The following ROBO4 variants were observed in gnomAD, a reference collection of about 807,000 sequenced individuals.
ROBO4 encodes roundabout guidance receptor 4.
Under a neutral mutation model 103.3 loss-of-function variants are expected in ROBO4, and 80 were observed. The observed-to-expected ratio is 0.77, with a 90% CI of 0.65 to 0.93. ROBO4 has a LOEUF of 0.93. Among genes scored for constraint, ROBO4 ranks in the 40% least tolerant of loss-of-function variants. The pLI is 0.00. For synonymous variants in ROBO4, 504 were observed against 529.7 expected (o/e 0.95, Z 0.67); for missense variants, 1,333 against 1,305.3 (o/e 1.02, Z -0.33).
intron 2 of ROBO4, 117 bp downstream of exon 2, chr11:124,896,815 A>G (rs1946901186): frequency 6.6e-7 from 1 of 1,515,958 alleles, no homozygotes; most frequent in East Asian, 2.4e-5. Context: ...CAAGCCTTCC[A>G]GCCCAGGCCT....
chr11:124,885,355 C>A, intron 16 of ROBO4, 108 bp from the exon 17 acceptor site: 3 of 849,494 alleles, frequency 3.5e-6, no homozygotes, highest in Non-Finnish European at 5.5e-6. Flanking sequence ...CAGCCCTAAA[C>A]ATAACCTAAC....
chr11:124,896,901 C>T (rs973768196), intron 2 of ROBO4, 31 bp downstream of exon 2: 1 of 1,597,884 alleles, frequency 6.3e-7, no homozygotes, highest in Non-Finnish European at 8.5e-7. Context: ...CCAGGTTTGC[C>T]CCACCCTGAA....
At chr11:124,894,990 T>C (rs1946859869) in intron 7 of ROBO4, 91 bp downstream of exon 7, 1 of 998,802 alleles carries the variant, frequency 1.0e-6, no homozygotes, top group African/African-American at 1.6e-5. Flanking sequence ...CAGGTACCTT[T>C]CTCAGTGCCC....
rs372044429 is a variant in ROBO4 at position 124,887,222 on chromosome 11, C to T, written c.2199-9G>A. 44 of 1,586,292 alleles carry T rather than the reference C, an allele frequency of 2.8e-5. No homozygotes were observed. The highest frequency in any genetic ancestry group is 1.7e-4 in the Middle Eastern group (1 of 5,908). ...GTGGTGCCACCGGAGGCCTGATTTGCGGGAGAGAGTGATGGCACCGTAGTT... is the reference window on the plus strand; with the variant it reads ...GTGGTGCCACCGGAGGCCTGATTTGTGGGAGAGAGTGATGGCACCGTAGTT... On this transcript the variant is annotated splice_polypyrimidine_tract_variant and intron_variant, in intron 14 of 17. Coordinates refer to ENST00000306534, the MANE Select transcript of ROBO4 (RefSeq NM_019055.6).
In ROBO4 at chr11:124,887,797, G is replaced by A. The variant is rs780504528; in HGVS notation, c.1992C>T (p.His664=). ...ANSSPLLRGS[H]SLELRACELG... Reference sequence around the variant, plus strand: ...ACTCACAGGCCCGGAGCTCCAAGGAGTGGCTGCCCCGGAGCAGTGGGGAAC... The same window carrying A: ...ACTCACAGGCCCGGAGCTCCAAGGAATGGCTGCCCCGGAGCAGTGGGGAAC... Residue 664 remains histidine (H), a synonymous_variant, in exon 13 of 18, where the codon CAC becomes CAT. Coordinates refer to ENST00000306534, the MANE Select transcript of ROBO4 (RefSeq NM_019055.6). The A allele has an allele frequency of 1.9e-6, 3 of 1,613,932 alleles. No homozygotes were observed. The highest frequency in any genetic ancestry group is 2.7e-5 in the African/African-American group (2 of 74,918).
intron 1 of ROBO4, 119 bp from the exon 2 acceptor site, chr11:124,897,380 A>G: frequency 1.2e-6 from 1 of 800,796 alleles, no homozygotes; most frequent in East Asian, 2.8e-5. Context: ...AATCTGAACT[A>G]CTAAAGGTTG....
At chr11:124,896,156 G>A in intron 4 of ROBO4, 42 bp downstream of exon 4, 1 of 1,606,740 alleles carries the variant, frequency 6.2e-7, no homozygotes, top group Non-Finnish European at 8.5e-7. Context: ...CCCAACTGGA[G>A]CCTGCAGCCT....
In ROBO4 at chr11:124,893,017, C is replaced by A. The variant is rs117471329; in HGVS notation, c.1547+671G>T. 8.1e-3 allele frequency: 1,254 copies of A among 154,114 alleles called. 10 individuals carry two copies. The highest frequency in any genetic ancestry group is 0.027 in the Middle Eastern group (8 of 296). The allele number at this position is 154,114 out of a possible 1,614,324, so 9.5% of individuals were successfully genotyped here. ...AGTAACTTCTGTGGATAGATGCAGA[C>A]CTGGAGTGGGAAGCCTCCCAGAGGA... On this transcript the variant is annotated intron_variant, in intron 10 of 17. Transcript: ENST00000306534.
rs753615619 is a variant in ROBO4, at chr11:124,885,162, C to T, written c.2880G>A (p.Trp960Ter). The change falls in exon 17 of 18, where the codon TGG becomes TGA. Residue 960 changes from tryptophan to a stop codon, truncating the protein, a stop_gained. Coordinates refer to ENST00000306534, the MANE Select transcript of ROBO4 (RefSeq NM_019055.6). LOFTEE classifies it high-confidence loss of function. ...TGTGGCTGACCTCCATGTCTTCCAA[C>T]CAGTCTGGCCTCCACTCCCACAGGG... is the stretch of plus-strand genomic sequence containing the variant. ...SLPLWEWRPD[W>*]LEDMEVSHTQ... is the part of the protein sequence containing the mutation. 2 of 1,614,030 alleles carry T rather than the reference C, an allele frequency of 1.2e-6. No homozygotes were observed. The highest frequency in any genetic ancestry group is 4.5e-5 in the East Asian group (2 of 44,886).
At chr11:124,892,209 AG>A in intron 10 of ROBO4, 1 of 376,522 alleles carries the variant, frequency 2.7e-6, no homozygotes, top group East Asian at 7.1e-5. Context: ...TGATGGCAAT[AG>A]GGCCTTCCAC....
rs1591535065 is a variant in ROBO4, at chr11:124,893,731, C to G, written c.1505-1G>C. The G allele has an allele frequency of 6.2e-7, 1 of 1,613,970 alleles. No individual in the cohort carries two copies. The highest frequency in any genetic ancestry group is 8.5e-7 in the Non-Finnish European group (1 of 1,179,982). On this transcript the variant is annotated splice_acceptor_variant, in intron 9 of 17. Transcript: ENST00000306534. LOFTEE classifies it high-confidence loss of function. ...TCCTCACTGGTATATCTGTACAGAC[C>G]TGGGAGAAGGCAGGAGGAAAGCTAA...
Position 124,894,275 on chromosome 11 carries a change from G to C in ROBO4, c.1244C>G (p.Ser415Cys), listed in dbSNP as rs1271729523. The C allele has an allele frequency of 6.2e-7, 1 of 1,614,098 alleles. No individual in the cohort carries two copies. Among genetic ancestry groups the C allele is most frequent in the South Asian group, 1.1e-5 (1 of 91,080 alleles). The part of the protein sequence containing the change: ...QLEIATHMPG[S>C]YCVQVAAVTG... Reference sequence around the variant, plus strand: ...GACTGCAGCCACTTGCACGCAGTAGGAGCCTGGCATATGGGTGGCGATTTC... The same window carrying C: ...GACTGCAGCCACTTGCACGCAGTAGCAGCCTGGCATATGGGTGGCGATTTC... Residue 415 changes from serine (S) to cysteine (C), a missense_variant, in exon 8 of 18, where the codon TCC becomes TGC. Ser to Cys is a moderately radical substitution (Grantham distance 112). Transcript: ENST00000306534.
At chr11:124,891,849 G>C in intron 10 of ROBO4, 47 bp from the exon 11 acceptor site, 1 of 1,608,188 alleles carries the variant, frequency 6.2e-7, no homozygotes, top group Non-Finnish European at 8.5e-7. Context: ...ACAGGGAGAA[G>C]TGAGAACCTT....
chr11:124,884,043 T>C lies in ROBO4; in HGVS notation c.*848A>G, dbSNP rs940576069. ...AAACTCCCCACCCCTGCCCTTCCTA[T>C]ATTCTGCTTAAAATTTGGTGGATGA... is the stretch of plus-strand genomic sequence containing the variant. On this transcript the variant is annotated 3_prime_UTR_variant, in exon 18 of 18. Transcript: ENST00000306534. The C allele has an allele frequency of 1.3e-5, 2 of 152,292 alleles. No individual in the cohort carries two copies. The highest frequency in any genetic ancestry group is 1.9e-4 in the East Asian group (1 of 5,186). The allele number at this position is 152,292 out of a possible 1,614,324, so 9.4% of individuals were successfully genotyped here. A position where few individuals can be genotyped will look rare whatever the true frequency, so the allele number is the denominator to read the frequency against.
Position 124,886,833 on chromosome 11 carries a change from G to A in ROBO4, c.2436-11C>T, listed in dbSNP as rs778684750. 1 of 1,528,608 alleles carries A rather than the reference G, an allele frequency of 6.5e-7. No individual in the cohort carries two copies. 94.7% of individuals were successfully genotyped at this position (1,528,608 alleles called of 1,614,324 possible). A position where few individuals can be genotyped will look rare whatever the true frequency, so the allele number is the denominator to read the frequency against. ...GGAGAGACGCTGTTCCTAGGGAGAG[G>A]CAAAAGGGGAGACAGCAATGGTTTG... On this transcript the variant is annotated splice_polypyrimidine_tract_variant and intron_variant, in intron 15 of 17. Coordinates refer to ENST00000306534, the MANE Select transcript of ROBO4 (RefSeq NM_019055.6).
At chr11:124,886,383 T>G in intron 16 of ROBO4, 81 bp downstream of exon 16, 2 of 1,111,070 alleles carry the variant, frequency 1.8e-6, no homozygotes, top group Non-Finnish European at 2.6e-6. Context: ...AAACTAGTTG[T>G]TTTAACAATG....
At chr11:124,896,076 A>G in intron 4 of ROBO4, 122 bp downstream of exon 4, 1 of 1,520,386 alleles carries the variant, frequency 6.6e-7, no homozygotes, top group Admixed American at 1.8e-5. Context: ...ACCTCCCGCT[A>G]CGTGAGACCC....
At position 124,896,316 on chromosome 11, in the gene ROBO4, C is replaced by T. The variant is rs756847840; in HGVS notation, c.561G>A (p.Val187=). 1.8e-5 allele frequency: 29 copies of T among 1,613,944 alleles called. No homozygotes were observed. The highest frequency in any genetic ancestry group is 2.4e-5 in the Non-Finnish European group (28 of 1,179,940). ...PLALQPGRHT[V]SGGSLLMARA... The stretch of plus-strand genomic sequence containing the variant: ...TTGCCATCAGCAGGGACCCCCCGGA[C>T]ACCTGTCAGGGCCAGGTTCACTGTG... Residue 187 remains valine (V), a splice_region_variant and synonymous_variant, in exon 4 of 18, where the codon GTG becomes GTA. Transcript: ENST00000306534.
At chr11:124,892,336 A>T (rs756368115) in intron 10 of ROBO4, 16 of 315,872 alleles carry the variant, frequency 5.1e-5, no homozygotes, top group Non-Finnish European at 1.2e-5. Context: ...CTTCAAGAAC[A>T]GGGATCTGAG....
Sources: gnomAD v4.1 joint callset for allele counts on GRCh38, gnomAD v4.1.1 for gene constraint, MANE v1.5 for transcripts, NCBI Gene and HGNC (gene_info 2026-07-23, HGNC 2026-07-21) for gene names.